The following JAK2 variants were observed in gnomAD, a reference collection of about 807,000 sequenced individuals.
JAK2 encodes the protein tyrosine-protein kinase JAK2.
A neutral mutation model predicts 139.3 loss-of-function variants in JAK2; 86 were observed. The observed-to-expected ratio is 0.62, with a 90% confidence interval of 0.52 to 0.74. The LOEUF (loss-of-function observed/expected upper bound fraction) is 0.74. Ranked by LOEUF, JAK2 falls within the 30% of genes least tolerant of loss-of-function variation. The pLI, the probability that JAK2 is intolerant of heterozygous loss-of-function variation, is 0.00. For synonymous variants in JAK2, 490 were observed against 437.7 expected (o/e 1.12, Z -1.49); for missense variants, 1,421 against 1,360.3 (o/e 1.04, Z -0.70).
Position 5,082,105 on chromosome 9 carries a change from A to G in JAK2, c.2571+244A>G, listed in dbSNP as rs565225869. The stretch of plus-strand genomic sequence containing the variant: ...GTGGGACCAGAGACTGAGAAAAGAA[A>G]GAAGACACAGAGACAAAAGTATAGA... On this transcript the variant is annotated intron_variant, in intron 19 of 24. Coordinates refer to ENST00000381652, the MANE Select transcript of JAK2 (RefSeq NM_004972.4). Among the ~76,000 whole-genome samples the G allele has an allele frequency of 4.6e-5, 7 of 151,076 alleles. No homozygotes were observed. The South Asian group carries it at 6.2e-4, about 13-fold the overall frequency.
intron 15 of JAK2, among the ~76,000 whole-genome samples, 173 bp downstream of exon 15, chr9:5,077,753 A>T (rs1458558713): frequency 6.6e-6 from 1 of 152,216 alleles, no homozygotes; most frequent in Non-Finnish European, 1.5e-5. Context: ...TATGTATGTA[A>T]AATCACTTTT....
intron 9 of JAK2, among the ~76,000 whole-genome samples, chr9:5,065,875 A>G (rs941545564): frequency 1.3e-5 from 2 of 152,184 alleles, no homozygotes; most frequent in African/African-American, 4.8e-5. Context: ...ATCTTGGGTA[A>G]TATAAAGAGT....
At chr9:5,009,643 C>G (rs563290365) in intron 2 of JAK2, among the ~76,000 whole-genome samples, 3 of 152,206 alleles carry the variant, frequency 2.0e-5, no homozygotes, top group Admixed American at 1.3e-4. Context: ...TCCTACAACC[C>G]CTGCCCCATC....
At chr9:5,043,660 G>T (rs1254436759) in intron 4 of JAK2, among the ~76,000 whole-genome samples, 1 of 152,106 alleles carries the variant, frequency 6.6e-6, no homozygotes. Flanking sequence ...TCATACTAGC[G>T]TTATTCACAA....
upstream of JAK2, chr9:4,984,709 G>A (rs1201754873): frequency 6.6e-6 from 1 of 152,388 alleles, no homozygotes; most frequent in Non-Finnish European, 1.5e-5. Context: ...GGGAGTCTCC[G>A]CGCGGAGGCA....
Position 5,042,590 on chromosome 9 carries a change from C to T in JAK2, c.351-1813C>T, listed in dbSNP as rs548552662. ...GTGAGTAGTGGGATCCTGGAGGCCC[C>T]CAGGGCTGAGGCCCAGCCAGCTGCC... On this transcript the variant is annotated intron_variant, in intron 4 of 24. Coordinates refer to ENST00000381652, the MANE Select transcript of JAK2 (RefSeq NM_004972.4). Among the ~76,000 whole-genome samples, 71 of 134,924 alleles carry T rather than the reference C, an allele frequency of 5.3e-4. 1 individual carries two copies. The Middle Eastern group carries it at 0.022, about 41-fold the overall frequency. The allele number at this position is 134,924 out of a possible 152,430, so 88.5% of individuals were successfully genotyped here. A position where few individuals can be genotyped will look rare whatever the true frequency, so the allele number is the denominator to read the frequency against.
At chr9:5,014,981 A>G (rs569010702) in intron 2 of JAK2, among the ~76,000 whole-genome samples, 3 of 152,078 alleles carry the variant, frequency 2.0e-5, no homozygotes, top group Admixed American at 2.0e-4. Flanking sequence ...TGCCTAAACA[A>G]TGTACTATTC....
intron 2 of JAK2, among the ~76,000 whole-genome samples, chr9:4,992,084 G>A (rs1435427306): frequency 6.6e-6 from 1 of 152,184 alleles, no homozygotes; most frequent in Admixed American, 6.5e-5. Context: ...TGGCTACTAG[G>A]ACATGAGTTG....
intron 22 of JAK2, among the ~76,000 whole-genome samples, chr9:5,116,634 A>C (rs1823198229): frequency 6.6e-6 from 1 of 152,232 alleles, no homozygotes; most frequent in Non-Finnish European, 1.5e-5. Context: ...AATGAATACA[A>C]GCTAATAAAT....
chr9:5,004,729 T>C (rs1472942443), intron 2 of JAK2, among the ~76,000 whole-genome samples: 2 of 152,200 alleles, frequency 1.3e-5, no homozygotes, highest in African/African-American at 4.8e-5. Context: ...ACTGTAAAAA[T>C]TTACATTTTC....
intron 2 of JAK2, among the ~76,000 whole-genome samples, chr9:4,997,895 C>G (rs1294918411): frequency 1.3e-5 from 2 of 151,898 alleles, no homozygotes; most frequent in Non-Finnish European, 2.9e-5. Flanking sequence ...CTTATTGTTT[C>G]CTTGTTTATC....
At chr9:5,077,414 T>C (rs13297560) in intron 14 of JAK2, 39 bp from the exon 15 acceptor site, 2 of 711,090 alleles carry the variant, frequency 2.8e-6, no homozygotes, top group Non-Finnish European at 4.0e-6. Flanking sequence ...ATTATATTTA[T>C]ACTTAAGCCT....
At chr9:5,050,479 C>T (rs1034532775) in intron 5 of JAK2, among the ~76,000 whole-genome samples, 1 of 152,070 alleles carries the variant, frequency 6.6e-6, no homozygotes, top group African/African-American at 2.4e-5. Context: ...CCATGTTGCC[C>T]AGGCTGGTCT....
intron 3 of JAK2, among the ~76,000 whole-genome samples, chr9:5,024,306 T>A (rs1169951429): frequency 1.3e-5 from 2 of 152,298 alleles, no homozygotes; most frequent in East Asian, 3.9e-4. Flanking sequence ...CATGTAAGAT[T>A]TTGCTTTAGC....
chr9:5,052,934 G>C (rs1014017903), intron 6 of JAK2, among the ~76,000 whole-genome samples: 2 of 152,062 alleles, frequency 1.3e-5, no homozygotes, highest in Admixed American at 1.3e-4. Flanking sequence ...TTTGGCTATT[G>C]TGACTAATGT....
chr9:5,029,771 CTTCTT>C lies in JAK2; in HGVS notation c.227-7_227-3del, dbSNP rs1055847130. The C allele has an allele frequency of 4.4e-6, 7 of 1,598,288 alleles. No homozygotes were observed. Among genetic ancestry groups the C allele is most frequent in the Non-Finnish European group, 6.0e-6 (7 of 1,172,810 alleles). On this transcript the variant is annotated splice_region_variant and splice_polypyrimidine_tract_variant and intron_variant, in intron 3 of 24. Coordinates refer to ENST00000381652, the MANE Select transcript of JAK2 (RefSeq NM_004972.4). The stretch of plus-strand genomic sequence containing the variant: ...GTACCTTTAATAATTCCTTTCTCTG[CTTCTT>C]TTCTAGGTATCACACCTGTGTATCA...
chr9:4,994,524 G>A (rs1587798109), intron 2 of JAK2, among the ~76,000 whole-genome samples: 1 of 152,304 alleles, frequency 6.6e-6, no homozygotes, highest in East Asian at 1.9e-4. Context: ...ACCAGGGATT[G>A]GCAAGATTTT....
intron 2 of JAK2, among the ~76,000 whole-genome samples, chr9:5,004,279 A>T (rs1821125791): frequency 6.6e-6 from 1 of 152,082 alleles, no homozygotes; most frequent in African/African-American, 2.4e-5. Context: ...AACGTCTCCC[A>T]TTCCTCCTAA....
chr9:5,055,073 T>G (rs2130414756), intron 7 of JAK2, among the ~76,000 whole-genome samples, 189 bp downstream of exon 7: 2 of 152,164 alleles, frequency 1.3e-5, no homozygotes, highest in East Asian at 3.9e-4. Flanking sequence ...GTTTTTTCAT[T>G]TAATTTTTTA....
Sources: allele counts gnomAD v4.1 joint callset (sites outside exome capture counted in the v4.1 genomes callset), GRCh38; gene constraint gnomAD v4.1.1; transcripts MANE v1.5; gene names NCBI Gene and HGNC (gene_info 2026-07-23, HGNC 2026-07-21).